The following MYH11 variants were observed in gnomAD, a reference collection of about 807,000 sequenced individuals.
The protein encoded by MYH11 is myosin-11.
Under a neutral mutation model 246.6 loss-of-function variants are expected in MYH11, and 80 were observed. That is an observed-to-expected ratio of 0.32 (90% confidence interval 0.27 to 0.39). MYH11 has a LOEUF of 0.39. MYH11 is among the 10% of genes least tolerant of loss of function. The probability of loss-of-function intolerance (pLI) is 1.00; values close to 1 mark genes in which losing one functional copy is unlikely to be tolerated. For synonymous variants in MYH11, 1,071 were observed against 1,015.5 expected (o/e 1.05, Z -1.04); for missense variants, 2,158 against 2,546.8 (o/e 0.85, Z 3.29).
chr16:15,731,877 C>T (rs1476848095), intron 27 of MYH11, among the ~76,000 whole-genome samples: 1 of 152,106 alleles, frequency 6.6e-6, no homozygotes, highest in Non-Finnish European at 1.5e-5. Context: ...CAGCCTCAAC[C>T]TCCCAGGCTC....
chr16:15,771,994 G>A (rs1793168623), intron 8 of MYH11, among the ~76,000 whole-genome samples: 1 of 151,802 alleles, frequency 6.6e-6, no homozygotes, highest in African/African-American at 2.4e-5. Context: ...CATTTACCTG[G>A]AGGAAGGGAT....
At chr16:15,803,829 G>T (rs1370984482) in intron 3 of MYH11, among the ~76,000 whole-genome samples, 2 of 152,162 alleles carry the variant, frequency 1.3e-5, no homozygotes, top group Non-Finnish European at 2.9e-5. Context: ...GAGAAGGCCT[G>T]GGAGCTGCCA....
intron 38 of MYH11, 58 bp from the exon 39 acceptor site, chr16:15,715,330 G>A (rs2040067426): frequency 6.4e-7 from 1 of 1,556,524 alleles, no homozygotes; most frequent in Non-Finnish European, 8.8e-7. Flanking sequence ...CTTGTAGCTG[G>A]TGTGTCACCT....
chr16:15,818,734 T>C (rs574586603), intron 3 of MYH11, among the ~76,000 whole-genome samples: 27 of 151,906 alleles, frequency 1.8e-4, no homozygotes, highest in Admixed American at 1.0e-3. Context: ...CCGTGCCCGA[T>C]TCTTTTTATT....
At chr16:15,765,748 T>C (rs1356444407) in intron 9 of MYH11, among the ~76,000 whole-genome samples, 1 of 152,206 alleles carries the variant, frequency 6.6e-6, no homozygotes, top group Admixed American at 6.5e-5. Flanking sequence ...CCACTTACTA[T>C]GGTAGAAAGC....
At chr16:15,763,738 A>AGCTGGGGGGGCCCCCCCCC in intron 10 of MYH11, 58 bp downstream of exon 10, 2 of 717,694 alleles carry the variant, frequency 2.8e-6, no homozygotes, top group Admixed American at 1.8e-5. Context: ...GTTAAATGTC[A>AGCTGGGGGGGCCCCCCCCC]CCTCCCCCAC....
intron 27 of MYH11, among the ~76,000 whole-genome samples, chr16:15,730,018 C>T (rs1477002588): frequency 6.6e-6 from 1 of 152,076 alleles, no homozygotes; most frequent in African/African-American, 2.4e-5. Context: ...TTAGCACTAT[C>T]CCTTTGGTGC....
intron 33 of MYH11, among the ~76,000 whole-genome samples, 160 bp from the exon 34 acceptor site, chr16:15,720,472 G>A (rs558532050): frequency 2.0e-5 from 3 of 152,164 alleles, no homozygotes; most frequent in African/African-American, 7.2e-5. Context: ...CACGCCGGGC[G>A]TGGGTGGCTC....
chr16:15,703,824 C>T lies in MYH11; in HGVS notation c.*167G>A. On this transcript the variant is annotated 3_prime_UTR_variant, in exon 41 of 41. Transcript: ENST00000300036. Reference sequence around the variant, plus strand: ...GCTGGAGGGTGGTGGTTTTTATATTCCTTGTGTGAGGGGTGTCTGTGATAT... The same window carrying T: ...GCTGGAGGGTGGTGGTTTTTATATTTCTTGTGTGAGGGGTGTCTGTGATAT... 1 of 915,392 alleles carries T rather than the reference C, an allele frequency of 1.1e-6. No homozygotes were observed. The highest frequency in any genetic ancestry group is 1.4e-5 in the South Asian group (1 of 73,652). 56.7% of individuals were successfully genotyped at this position (915,392 alleles called of 1,614,324 possible).
chr16:15,802,466 T>G (rs1163952215), intron 3 of MYH11, among the ~76,000 whole-genome samples: 1 of 152,192 alleles, frequency 6.6e-6, no homozygotes, highest in Non-Finnish European at 1.5e-5. Context: ...ACCAATTGAT[T>G]GAGATGGGGT....
intron 3 of MYH11, among the ~76,000 whole-genome samples, chr16:15,814,876 TG>T (rs374279302): frequency 6.6e-6 from 1 of 152,108 alleles, no homozygotes; most frequent in East Asian, 1.9e-4. Flanking sequence ...GTCTCCGTCC[TG>T]GGGGGACACC....
intron 3 of MYH11, among the ~76,000 whole-genome samples, chr16:15,821,874 C>G (rs542447726): frequency 8.7e-6 from 1 of 114,440 alleles, no homozygotes; most frequent in African/African-American, 3.2e-5. Context: ...GCCGAGATTG[C>G]GCCACTGCAG....
At chr16:15,826,644 A>C (rs1471971369) in intron 2 of MYH11, among the ~76,000 whole-genome samples, 1 of 151,752 alleles carries the variant, frequency 6.6e-6, no homozygotes, top group South Asian at 2.1e-4. Context: ...GGCTCAGTCC[A>C]CTCAGGGACA....
chr16:15,749,576 C>G (rs1376026449), intron 16 of MYH11: 1 of 156,450 alleles, frequency 6.4e-6, no homozygotes, highest in Non-Finnish European at 1.4e-5. Flanking sequence ...GTATGTTTAC[C>G]TCTCCCCGTG....
chr16:15,766,560 C>T (rs1173499215), intron 9 of MYH11, among the ~76,000 whole-genome samples: 3 of 152,020 alleles, frequency 2.0e-5, no homozygotes, highest in Non-Finnish European at 4.4e-5. Flanking sequence ...TTAGTAGAGA[C>T]GGAGTTTCAC....
chr16:15,781,683 G>T (rs1309303407), intron 6 of MYH11, among the ~76,000 whole-genome samples: 3 of 152,150 alleles, frequency 2.0e-5, no homozygotes, highest in Non-Finnish European at 4.4e-5. Context: ...GGAGCCTGGG[G>T]GAGTGTGCAT....
intron 1 of MYH11, among the ~76,000 whole-genome samples, chr16:15,849,035 C>T (rs746896168): frequency 2.0e-5 from 3 of 152,218 alleles, no homozygotes; most frequent in Non-Finnish European, 4.4e-5. Context: ...CTGCTGACCA[C>T]GAAGTACAGT....
chr16:15,823,770 C>T (rs1166583841), intron 2 of MYH11, among the ~76,000 whole-genome samples: 4 of 152,014 alleles, frequency 2.6e-5, no homozygotes, highest in Admixed American at 6.6e-5. Flanking sequence ...GGACTACAGG[C>T]GGGCGCCACC....
At chr16:15,710,688 GTTTTTTT>G (rs202074294) in intron 40 of MYH11, among the ~76,000 whole-genome samples, 1 of 147,518 alleles carries the variant, frequency 6.8e-6, no homozygotes, top group African/African-American at 2.5e-5. Context: ...TTTGTTTTTT[GTTTTTTT>G]TTTGGAGACA....
Sources: allele counts gnomAD v4.1 joint callset (sites outside exome capture counted in the v4.1 genomes callset), GRCh38; gene constraint gnomAD v4.1.1; transcripts MANE v1.5; gene names NCBI Gene and HGNC (gene_info 2026-07-23, HGNC 2026-07-21).